MIB1: variants seen among roughly 807,000 people sequenced by gnomAD.
MIB1 encodes the protein MIB E3 ubiquitin protein ligase 1.
In MIB1, 278 loss-of-function variants were observed where a neutral mutation model predicts 124.5. The observed-to-expected ratio is 2.23, with a 90% confidence interval of 2.02 to 2.47. The LOEUF (loss-of-function observed/expected upper bound fraction) is 2.47. MIB1 is among the 30% of genes most tolerant of loss of function. The pLI, the probability that MIB1 is intolerant of heterozygous loss-of-function variation, is 0.00. For missense variants in MIB1, 957 were observed against 1,254.4 expected (o/e 0.76, Z 3.58); for synonymous variants, 446 against 429.4 (o/e 1.04, Z -0.48).
chr18:21,858,539 A>G lies in MIB1; in HGVS notation c.2780-7A>G. The G allele has an allele frequency of 7.6e-7, 1 of 1,322,026 alleles. No individual in the cohort carries two copies. Among genetic ancestry groups the G allele is most frequent in the Non-Finnish European group, 1.1e-6 (1 of 920,050 alleles). 81.9% of individuals were successfully genotyped at this position (1,322,026 alleles called of 1,614,324 possible). A position where few individuals can be genotyped will look rare whatever the true frequency, so the allele number is the denominator to read the frequency against. ...TAACTGAAAATCTTTTTAAATCTAT[A>G]TTATAGCAAGTGGGAATATTCCAGT... On this transcript the variant is annotated splice_region_variant and splice_polypyrimidine_tract_variant and intron_variant, in intron 19 of 20. Transcript: ENST00000261537.
At chr18:21,793,363 C>T (rs189396965) in intron 7 of MIB1, among the ~76,000 whole-genome samples, 78 of 151,996 alleles carry the variant, frequency 5.1e-4, no homozygotes, top group Middle Eastern at 6.8e-3. Flanking sequence ...TTTAGTAGGA[C>T]GGAGACAGTA....
At chr18:21,823,269 C>T (rs1285327453) in intron 12 of MIB1, among the ~76,000 whole-genome samples, 2 of 149,858 alleles carry the variant, frequency 1.3e-5, no homozygotes, top group African/African-American at 4.9e-5. Flanking sequence ...GGTGTGGCAT[C>T]ACAGACTTTT....
chr18:21,804,617 A>T (rs2041684363), intron 10 of MIB1, among the ~76,000 whole-genome samples: 1 of 152,204 alleles, frequency 6.6e-6, no homozygotes. Flanking sequence ...GCTTTGTCTT[A>T]CTTAACTACT....
At chr18:21,814,910 A>G (rs1178011668) in intron 10 of MIB1, among the ~76,000 whole-genome samples, 2 of 149,194 alleles carry the variant, frequency 1.3e-5, no homozygotes, top group African/African-American at 5.0e-5. Context: ...AACAACAACA[A>G]CAACAAAAAT....
intron 9 of MIB1, among the ~76,000 whole-genome samples, chr18:21,802,824 T>C (rs1208666257): frequency 6.6e-6 from 1 of 152,194 alleles, no homozygotes; most frequent in Non-Finnish European, 1.5e-5. Flanking sequence ...ATTGGGTATG[T>C]AGAGTTTTGG....
intron 7 of MIB1, among the ~76,000 whole-genome samples, chr18:21,795,978 G>A (rs1019969219): frequency 1.3e-5 from 2 of 152,186 alleles, no homozygotes; most frequent in Non-Finnish European, 2.9e-5. Context: ...TATAGAGGAG[G>A]TGAAGTAAAA....
intron 1 of MIB1, among the ~76,000 whole-genome samples, chr18:21,762,647 C>T (rs2041111122): frequency 6.6e-6 from 1 of 152,118 alleles, no homozygotes; most frequent in Non-Finnish European, 1.5e-5. Context: ...GAAGTATAAG[C>T]ATCAGAGATG....
At position 21,791,564 on chromosome 18, in the gene MIB1, ATGTT is replaced by A; in HGVS notation, c.1092+9_1092+12del. ...GGCTGAAGCGATGCTTCCAGTAAGT[ATGTT>A]TAGAATAATTCTGGGCTAGAAATTA... is the stretch of plus-strand genomic sequence containing the variant. On this transcript the variant is annotated splice_region_variant and intron_variant, in intron 7 of 20. Transcript: ENST00000261537. 2 of 1,599,530 alleles carry A rather than the reference ATGTT, an allele frequency of 1.3e-6. No individual in the cohort carries two copies. The highest frequency in any genetic ancestry group is 2.7e-5 in the African/African-American group (2 of 74,732).
chr18:21,837,494 C>T (rs146030096), intron 12 of MIB1, among the ~76,000 whole-genome samples: 27 of 152,256 alleles, frequency 1.8e-4, no homozygotes, highest in South Asian at 8.3e-4. Context: ...GTCGACAGAG[C>T]GAGACTCCGT....
chr18:21,720,006 C>T (rs578154157), intron 1 of MIB1, among the ~76,000 whole-genome samples: 6 of 152,180 alleles, frequency 3.9e-5, no homozygotes, highest in South Asian at 2.1e-4. Flanking sequence ...ATTTATAAGA[C>T]GTTTTGCAGA....
chr18:21,769,486 A>G (rs1444894820), intron 3 of MIB1, among the ~76,000 whole-genome samples: 1 of 152,202 alleles, frequency 6.6e-6, no homozygotes. Context: ...GTCACCTTCC[A>G]TGCCTGGTGC....
chr18:21,741,459 C>A lies in MIB1; in HGVS notation c.-125C>A. 2.1e-6 allele frequency: 1 copy of A among 480,032 alleles called. No homozygotes were observed. Among genetic ancestry groups the A allele is most frequent in the Non-Finnish European group, 3.1e-6 (1 of 321,498 alleles). 29.7% of individuals were successfully genotyped at this position (480,032 alleles called of 1,614,324 possible). ...GCCCCCGTGAGTTATTCTCACGTCCCCCGGGGCTCGCTGCCGCCCCCGCCG... is the reference window on the plus strand; with the variant it reads ...GCCCCCGTGAGTTATTCTCACGTCCACCGGGGCTCGCTGCCGCCCCCGCCG... On this transcript the variant is annotated 5_prime_UTR_variant, in exon 1 of 21. Coordinates refer to ENST00000261537, the MANE Select transcript of MIB1 (RefSeq NM_020774.4). The surrounding 1 kb of genome is among the most constrained non-coding windows in gnomAD (Gnocchi z 5.4).
intron 12 of MIB1, among the ~76,000 whole-genome samples, chr18:21,823,000 A>C (rs1351513895): frequency 2.6e-5 from 4 of 152,056 alleles, no homozygotes; most frequent in Non-Finnish European, 5.9e-5. Context: ...TTGGGAGGCC[A>C]ACTCAGGCAG....
chr18:21,750,623 G>T (rs577400461), intron 1 of MIB1, among the ~76,000 whole-genome samples: 1 of 151,952 alleles, frequency 6.6e-6, no homozygotes, highest in Non-Finnish European at 1.5e-5. Flanking sequence ...CACCACGCTC[G>T]GCCTAATTTT....
chr18:21,754,566 C>T (rs1263596575), intron 1 of MIB1, among the ~76,000 whole-genome samples: 1 of 151,968 alleles, frequency 6.6e-6, no homozygotes, highest in African/African-American at 2.4e-5. Context: ...AGCTGAAGAG[C>T]GGTGATGTTG....
intron 13 of MIB1, among the ~76,000 whole-genome samples, chr18:21,841,773 T>C (rs778063801): frequency 8.5e-5 from 13 of 152,118 alleles, no homozygotes; most frequent in Non-Finnish European, 1.5e-5. Context: ...TTGTACTAAA[T>C]GTTTGTAGCA....
intron 20 of MIB1, among the ~76,000 whole-genome samples, chr18:21,862,618 G>A (rs1276754062): frequency 3.3e-5 from 5 of 152,050 alleles, no homozygotes; most frequent in Non-Finnish European, 7.4e-5. Flanking sequence ...TAATTCAGGG[G>A]AATCTACATT....
At chr18:21,735,546 G>T (rs1156342922) in intron 1 of MIB1, among the ~76,000 whole-genome samples, 1 of 152,106 alleles carries the variant, frequency 6.6e-6, no homozygotes, top group African/African-American at 2.4e-5. Flanking sequence ...GCCTGGAAAG[G>T]GGGCTGAAGC....
intron 13 of MIB1, among the ~76,000 whole-genome samples, chr18:21,839,117 T>A (rs967096312): frequency 6.6e-6 from 1 of 152,240 alleles, no homozygotes; most frequent in Admixed American, 6.5e-5. Flanking sequence ...GCACTGAAGT[T>A]ATCAAAGAAT....
Sources: gnomAD v4.1 joint callset for allele counts (sites outside exome capture counted in the v4.1 genomes callset) on GRCh38, gnomAD v4.1.1 for gene constraint, Gnocchi (gnomAD v3.1) non-coding constraint, MANE v1.5 for transcripts, NCBI Gene and HGNC (gene_info 2026-07-23, HGNC 2026-07-21) for gene names.